Variants in BCKDHB observed in about 807,000 individuals in gnomAD.
The protein encoded by BCKDHB is 2-oxoisovalerate dehydrogenase subunit beta, mitochondrial.
A neutral mutation model predicts 48.5 loss-of-function variants in BCKDHB; 41 were observed. That is an observed-to-expected ratio of 0.85 (90% CI 0.66 to 1.10). BCKDHB has a LOEUF of 1.10. Among genes scored for constraint, BCKDHB ranks in the 50% least tolerant of loss-of-function variants. The pLI, the probability that BCKDHB is intolerant of heterozygous loss-of-function variation, is 0.00. For synonymous variants in BCKDHB, 201 were observed against 174.8 expected (o/e 1.15, Z -1.18); for missense variants, 496 against 494.2 (o/e 1.00, Z -0.03).
chr6:80,450,273 A>T, the BCKDHB span, among the ~76,000 whole-genome samples: 1 of 152,162 alleles, frequency 6.6e-6, no homozygotes, highest in Non-Finnish European at 1.5e-5. Flanking sequence ...AAAAATAAGA[A>T]TATTGCTTTT....
the BCKDHB span, among the ~76,000 whole-genome samples, chr6:80,389,031 G>A: frequency 6.4e-4 from 98 of 152,312 alleles, no homozygotes; most frequent in African/African-American, 2.1e-3. Context: ...TGGTGACAAA[G>A]AAATTTGGGG....
chr6:80,148,746 T>C (rs1458478997), intron 3 of BCKDHB, among the ~76,000 whole-genome samples: 1 of 152,164 alleles, frequency 6.6e-6, no homozygotes, highest in East Asian at 1.9e-4. Flanking sequence ...TAAATGGTGC[T>C]GGGAAAACTG....
At chr6:80,185,143 C>T (rs893543185) in intron 6 of BCKDHB, among the ~76,000 whole-genome samples, 1 of 151,858 alleles carries the variant, frequency 6.6e-6, no homozygotes, top group Non-Finnish European at 1.5e-5. Flanking sequence ...CTTTGTCTTT[C>T]GGTTAATTTG....
At chr6:80,423,014 T>C in the BCKDHB span, among the ~76,000 whole-genome samples, 1 of 152,166 alleles carries the variant, frequency 6.6e-6, no homozygotes, top group Non-Finnish European at 1.5e-5. Context: ...ATAATATGGT[T>C]TGGCTCTGTG....
the BCKDHB span, among the ~76,000 whole-genome samples, chr6:80,419,843 C>A: frequency 2.0e-5 from 3 of 151,924 alleles, no homozygotes; most frequent in Admixed American, 6.6e-5. Flanking sequence ...TATTTTTTTT[C>A]TTTTTGTTCC....
At chr6:80,164,418 A>G (rs1472573237) in intron 3 of BCKDHB, among the ~76,000 whole-genome samples, 1 of 151,876 alleles carries the variant, frequency 6.6e-6, no homozygotes, top group Non-Finnish European at 1.5e-5. Context: ...CTTAACTGTC[A>G]CCTCTCAGTG....
At chr6:80,372,349 T>C in the BCKDHB span, among the ~76,000 whole-genome samples, 15 of 152,246 alleles carry the variant, frequency 9.9e-5, no homozygotes, top group African/African-American at 3.6e-4. Context: ...TTGCCAGTTC[T>C]AGGAGCTTTT....
In BCKDHB at chr6:80,315,181, C is replaced by A. The variant is rs114824189; in HGVS notation, c.1039-28483C>A. ...GAACCTCCTGCCTTGCTGGGGATCCCGGGGCCAGAGTATGTAAAGCTCTGG... is the reference window on the plus strand; with the variant it reads ...GAACCTCCTGCCTTGCTGGGGATCCAGGGGCCAGAGTATGTAAAGCTCTGG... On this transcript the variant is annotated intron_variant, in intron 9 of 9. Transcript: ENST00000320393. 6.1e-3 allele frequency among the ~76,000 whole-genome samples: 929 copies of A among 152,214 alleles called. 10 individuals carry two copies. The highest frequency in any genetic ancestry group is 0.022 in the African/African-American group (893 of 41,526).
intron 9 of BCKDHB, among the ~76,000 whole-genome samples, chr6:80,299,081 A>T (rs1247290830): frequency 9.9e-5 from 15 of 152,088 alleles, no homozygotes; most frequent in Admixed American, 9.8e-4. Flanking sequence ...GGGTCTTTCT[A>T]ACTCCCTAAA....
At chr6:80,285,816 A>T (rs676310) in intron 9 of BCKDHB, among the ~76,000 whole-genome samples, 121,319 of 152,036 alleles carry the variant, frequency 0.8, 48,578 homozygotes, top group Admixed American at 0.87. Flanking sequence ...GATGTAGGCA[A>T]ATCTTTTTTT....
At chr6:80,118,474 T>C (rs1202410818) in intron 1 of BCKDHB, among the ~76,000 whole-genome samples, 1 of 152,022 alleles carries the variant, frequency 6.6e-6, no homozygotes, top group Non-Finnish European at 1.5e-5. Context: ...AGCTACTGAC[T>C]GATCAGGGTA....
At chr6:80,449,179 C>T in the BCKDHB span, among the ~76,000 whole-genome samples, 1 of 152,126 alleles carries the variant, frequency 6.6e-6, no homozygotes, top group African/African-American at 2.4e-5. Flanking sequence ...CAGATTCCTC[C>T]TCTCTTTCTT....
At chr6:80,418,901 T>C in the BCKDHB span, among the ~76,000 whole-genome samples, 13,231 of 152,116 alleles carry the variant, frequency 0.087, 1,787 homozygotes, top group African/African-American at 0.29. Context: ...ATTGTGTGCG[T>C]AGTTTTCCTG....
intron 9 of BCKDHB, among the ~76,000 whole-genome samples, chr6:80,330,815 G>C (rs1769288817): frequency 1.3e-5 from 2 of 152,038 alleles, no homozygotes; most frequent in Admixed American, 1.3e-4. Flanking sequence ...TATGACATTT[G>C]CTCCTAAAAT....
At chr6:80,182,116 C>A (rs141306700) in intron 6 of BCKDHB, among the ~76,000 whole-genome samples, 1 of 152,074 alleles carries the variant, frequency 6.6e-6, no homozygotes, top group Non-Finnish European at 1.5e-5. Flanking sequence ...TTCTTAAAAT[C>A]GCATGGTAGC....
chr6:80,338,430 A>G (rs749257999), intron 9 of BCKDHB, among the ~76,000 whole-genome samples: 1 of 152,098 alleles, frequency 6.6e-6, no homozygotes. Context: ...GGCGTCCTGC[A>G]CCCCACCAGG....
chr6:80,436,976 G>T, the BCKDHB span, among the ~76,000 whole-genome samples: 12 of 152,170 alleles, frequency 7.9e-5, no homozygotes, highest in African/African-American at 2.6e-4. Context: ...TAACCACTAG[G>T]TATAAGCTTT....
the BCKDHB span, among the ~76,000 whole-genome samples, chr6:80,352,724 A>G: frequency 0.2 from 31,097 of 151,956 alleles, 3,648 homozygotes; most frequent in South Asian, 0.37. Context: ...TATGTGACAT[A>G]TATTTCATAT....
intron 6 of BCKDHB, among the ~76,000 whole-genome samples, chr6:80,185,626 T>C (rs1293885709): frequency 6.6e-6 from 1 of 152,198 alleles, no homozygotes; most frequent in Non-Finnish European, 1.5e-5. Flanking sequence ...CTTGATGTGA[T>C]GTTCTCCCCT....
Sources: gnomAD v4.1 joint callset for allele counts (sites outside exome capture counted in the v4.1 genomes callset) on GRCh38, gnomAD v4.1.1 for gene constraint, MANE v1.5 for transcripts, NCBI Gene and HGNC (gene_info 2026-07-23, HGNC 2026-07-21) for gene names.